Variants in TEX26 observed in about 807,000 individuals in gnomAD.
The protein encoded by TEX26 is testis expressed 26, also known as testis-expressed protein 26.
TEX26 carries 34 observed loss-of-function variants against 35.3 expected under a neutral mutation model. That is an observed-to-expected ratio of 0.96 (90% CI 0.73 to 1.28). The LOEUF (loss-of-function observed/expected upper bound fraction) is 1.28. TEX26 is among the 50% of genes most tolerant of loss of function. TEX26 has a pLI of 0.00. For missense variants in TEX26, 371 were observed against 330.1 expected (o/e 1.12, Z -0.96); for synonymous variants, 136 against 111.8 (o/e 1.22, Z -1.36).
intron 3 of TEX26, among the ~76,000 whole-genome samples, chr13:30,955,779 G>C (rs112914422): frequency 1.2e-3 from 177 of 152,346 alleles, no homozygotes; most frequent in Non-Finnish European, 2.0e-3. Context: ...AGTAGAGAGG[G>C]ATCTAGTGCT....
rs556150737 is a variant in TEX26, at chr13:30,975,000, G to C, written c.*93G>C. 11 of 817,312 alleles carry C rather than the reference G, an allele frequency of 1.3e-5. No individual in the cohort carries two copies. The South Asian group carries it at 2.1e-4, about 16-fold the overall frequency. The allele number at this position is 817,312 out of a possible 1,614,324, so 50.6% of individuals were successfully genotyped here. A position where few individuals can be genotyped will look rare whatever the true frequency, so the allele number is the denominator to read the frequency against. On this transcript the variant is annotated 3_prime_UTR_variant, in exon 7 of 7. Transcript: ENST00000380473. ...TTTCTCAATTATCAAGGAAAAATAA[G>C]ATGCAAATAGCTTCAAGTATGATGT...
At chr13:30,966,581 G>A (rs1414412114) in intron 5 of TEX26, among the ~76,000 whole-genome samples, 183 bp downstream of exon 5, 1 of 151,864 alleles carries the variant, frequency 6.6e-6, no homozygotes, top group Non-Finnish European at 1.5e-5. Flanking sequence ...AGGATTACAG[G>A]TGCGCACCAC....
Position 30,936,649 on chromosome 13 carries a change from C to T in TEX26, c.62-3045C>T, listed in dbSNP as rs1041054437. The T allele has an allele frequency of 5.1e-6, 5 of 982,054 alleles. No homozygotes were observed. In the African/African-American group the frequency reaches 5.2e-5, roughly 10 times the overall value. The allele number at this position is 982,054 out of a possible 1,614,324, so 60.8% of individuals were successfully genotyped here. On this transcript the variant is annotated intron_variant, in intron 1 of 6. Coordinates refer to ENST00000380473, the MANE Select transcript of TEX26 (RefSeq NM_152325.3). Reference sequence around the variant, plus strand: ...ATAGGATACATAGCTCATCTCTTGGCCTGTGAGTTCTCCAAGGCCAGGTCA... The same window carrying T: ...ATAGGATACATAGCTCATCTCTTGGTCTGTGAGTTCTCCAAGGCCAGGTCA...
intron 4 of TEX26, among the ~76,000 whole-genome samples, chr13:30,961,794 GCTCTCT>G (rs1243426171): frequency 6.6e-6 from 1 of 152,068 alleles, no homozygotes; most frequent in Non-Finnish European, 1.5e-5. Flanking sequence ...TGTGGATTCT[GCTCTCT>G]CTCTCAGACC....
chr13:30,967,876 G>A (rs558492405), intron 5 of TEX26, among the ~76,000 whole-genome samples: 9 of 152,286 alleles, frequency 5.9e-5, no homozygotes, highest in Non-Finnish European at 8.8e-5. Flanking sequence ...GACAATGAGC[G>A]ATGACTGTAA....
At chr13:30,961,789 A>G (rs973783141) in intron 4 of TEX26, among the ~76,000 whole-genome samples, 3 of 152,082 alleles carry the variant, frequency 2.0e-5, no homozygotes, top group African/African-American at 4.8e-5. Context: ...TTAACTGTGG[A>G]TTCTGCTCTC....
chr13:30,969,155 A>G, intron 6 of TEX26, 109 bp downstream of exon 6: 1 of 1,009,390 alleles, frequency 9.9e-7, no homozygotes. Context: ...ACAAAAATGA[A>G]AACATTGCCT....
intron 3 of TEX26, among the ~76,000 whole-genome samples, chr13:30,954,618 C>G (rs7320621): frequency 0.015 from 2,321 of 151,812 alleles, 69 homozygotes; most frequent in African/African-American, 0.051. Context: ...GCCACCATGC[C>G]CAGCTAATTT....
chr13:30,960,403 C>T (rs558878073), intron 4 of TEX26, among the ~76,000 whole-genome samples: 40 of 152,128 alleles, frequency 2.6e-4, no homozygotes, highest in Middle Eastern at 3.4e-3. Flanking sequence ...CCACCACGTC[C>T]GGCTAATTTG....
At chr13:30,933,586 T>G (rs1593521950) in intron 1 of TEX26, 1 of 152,230 alleles carries the variant, frequency 6.6e-6, no homozygotes, top group African/African-American at 2.4e-5. Context: ...TTCCCTAGAA[T>G]TGTGCTCCCA....
chr13:30,956,028 A>T (rs1048468103), intron 3 of TEX26, among the ~76,000 whole-genome samples: 3 of 152,146 alleles, frequency 2.0e-5, no homozygotes, highest in Non-Finnish European at 4.4e-5. Context: ...TTTTATTATT[A>T]TTATACTTTA....
At chr13:30,967,261 T>C (rs996895606) in intron 5 of TEX26, among the ~76,000 whole-genome samples, 26 of 152,304 alleles carry the variant, frequency 1.7e-4, no homozygotes, top group African/African-American at 5.3e-4. Flanking sequence ...AATCACAGAA[T>C]TGATGCTTAG....
chr13:30,952,094 A>G (rs974485009), intron 2 of TEX26, among the ~76,000 whole-genome samples: 13 of 129,432 alleles, frequency 1.0e-4, no homozygotes, highest in African/African-American at 3.9e-4. Flanking sequence ...TATTTCCTGT[A>G]ATCCAACATT....
chr13:30,960,440 T>C (rs1341239557), intron 4 of TEX26, among the ~76,000 whole-genome samples: 2 of 152,142 alleles, frequency 1.3e-5, no homozygotes, highest in African/African-American at 4.8e-5. Context: ...AGTCAGGATT[T>C]CACCATGTTG....
intron 6 of TEX26, among the ~76,000 whole-genome samples, chr13:30,971,621 C>G (rs1006282519): frequency 6.6e-6 from 1 of 152,172 alleles, no homozygotes; most frequent in African/African-American, 2.4e-5. Context: ...TGAAGGCAAA[C>G]CTTTCATTTC....
At chr13:30,935,104 G>A (rs186294472) in intron 1 of TEX26, among the ~76,000 whole-genome samples, 2 of 152,324 alleles carry the variant, frequency 1.3e-5, no homozygotes, top group African/African-American at 2.4e-5. Flanking sequence ...AGGCTCAGGG[G>A]TATCTGATCC....
intron 2 of TEX26, among the ~76,000 whole-genome samples, chr13:30,945,218 T>TA (rs1221486349): frequency 6.6e-6 from 1 of 151,944 alleles, no homozygotes; most frequent in Non-Finnish European, 1.5e-5. Flanking sequence ...TCTTTTTTTT[T>TA]ACTGTTGTTG....
Position 30,968,995 on chromosome 13 carries a change from T to C in TEX26, c.757T>C (p.Ser253Pro). The C allele has an allele frequency of 3.1e-6, 5 of 1,614,130 alleles. No individual in the cohort carries two copies. The highest frequency in any genetic ancestry group is 3.4e-6 in the Non-Finnish European group (4 of 1,179,988). ...TYPDFLMLLN[S>P]FTSSQVKEYL... ...CCCAGATTTCTTAATGCTTTTAAAC[T>C]CATTTACTTCCTCTCAAGTCAAAGA... Residue 253 changes from serine (S) to proline (P), a missense_variant, in exon 6 of 7, where the codon TCA becomes CCA. Transcript: ENST00000380473.
At position 30,949,362 on chromosome 13, in the gene TEX26, C is replaced by T. The variant is rs894839255; in HGVS notation, c.147-3298C>T. On this transcript the variant is annotated intron_variant, in intron 2 of 6. Transcript: ENST00000380473. ...CTTGGAGCTGAACATTTAGCTTATC[C>T]GGTTTATACCATCTTTACCTAGTTG... Among the ~76,000 whole-genome samples, 26 of 152,062 alleles carry T rather than the reference C, an allele frequency of 1.7e-4. No homozygotes were observed. The South Asian group carries it at 2.7e-3, about 16-fold the overall frequency.
Sources: allele counts gnomAD v4.1 joint callset (sites outside exome capture counted in the v4.1 genomes callset), GRCh38; gene constraint gnomAD v4.1.1; transcripts MANE v1.5; gene names NCBI Gene and HGNC (gene_info 2026-07-23, HGNC 2026-07-21).